Variants in STAT3 observed in about 807,000 individuals in gnomAD.
STAT3 encodes DNA-binding protein APRF.
STAT3 carries 7 observed loss-of-function variants against 114.3 expected under a neutral mutation model. That is an observed-to-expected ratio of 0.06 (90% CI 0.03 to 0.11). The LOEUF (loss-of-function observed/expected upper bound fraction) is 0.11, where lower values mean the gene tolerates loss of function less well. Ranked by LOEUF, STAT3 falls within the 10% of genes least tolerant of loss-of-function variation. The pLI is 1.00. For missense variants in STAT3, 364 were observed against 960.9 expected, an observed-to-expected ratio of 0.38 and a Z score of 8.21; for synonymous variants, 331 against 354.5, an observed-to-expected ratio of 0.93 and a Z score of 0.74.
chr17:42,315,816 G>A lies in STAT3; in HGVS notation c.2258-16C>T, dbSNP rs901452964. ...GTGAGGGACTCTGGAGGGACAGACA[G>A]GGAAAACTAGTTCAGTTGTCCACCC... On this transcript the variant is annotated splice_polypyrimidine_tract_variant and intron_variant, in intron 23 of 23. Coordinates refer to ENST00000264657, the MANE Select transcript of STAT3 (RefSeq NM_139276.3). 3 of 1,613,998 alleles carry A rather than the reference G, an allele frequency of 1.9e-6. No homozygotes were observed. The highest frequency in any genetic ancestry group is 2.5e-6 in the Non-Finnish European group (3 of 1,180,018).
At chr17:42,315,858 C>T in intron 23 of STAT3, 58 bp from the exon 24 acceptor site, 1 of 1,613,180 alleles carries the variant, frequency 6.2e-7, no homozygotes, top group South Asian at 1.1e-5. Context: ...ACTGGCAGGC[C>T]ACGCCCCCAG....
chr17:42,356,009 C>T (rs1057089270), intron 1 of STAT3, among the ~76,000 whole-genome samples: 45 of 152,070 alleles, frequency 3.0e-4, no homozygotes, highest in Admixed American at 5.9e-4. Context: ...CCTTTGGGTA[C>T]CACCTATACT....
chr17:42,356,220 A>G (rs2083219413), intron 1 of STAT3, among the ~76,000 whole-genome samples: 1 of 152,198 alleles, frequency 6.6e-6, no homozygotes, highest in Admixed American at 6.5e-5. Context: ...AATAATGTTC[A>G]ATGTGGAAAA....
chr17:42,373,790 C>T (rs1327190884), intron 1 of STAT3, among the ~76,000 whole-genome samples: 1 of 149,224 alleles, frequency 6.7e-6, no homozygotes. Flanking sequence ...GAGGCTGAGG[C>T]AGGAGAATGG....
chr17:42,385,829 A>G (rs1420582138), intron 1 of STAT3, among the ~76,000 whole-genome samples: 1 of 152,202 alleles, frequency 6.6e-6, no homozygotes, highest in Non-Finnish European at 1.5e-5. Flanking sequence ...TGCTGACCAA[A>G]AACAGTTCCT....
At chr17:42,347,807 C>A (rs2082766669) in intron 2 of STAT3, among the ~76,000 whole-genome samples, 1 of 152,180 alleles carries the variant, frequency 6.6e-6, no homozygotes, top group South Asian at 2.1e-4. Flanking sequence ...GCCATGTGAC[C>A]TGCCTGCTCC....
At chr17:42,369,033 G>A (rs1464738726) in intron 1 of STAT3, among the ~76,000 whole-genome samples, 2 of 152,010 alleles carry the variant, frequency 1.3e-5, no homozygotes, top group African/African-American at 4.8e-5. Flanking sequence ...CTTTGCTAAG[G>A]ATAATAGCCT....
At chr17:42,380,635 C>T (rs920905223) in intron 1 of STAT3, among the ~76,000 whole-genome samples, 1 of 152,054 alleles carries the variant, frequency 6.6e-6, no homozygotes, top group African/African-American at 2.4e-5. Context: ...GTGATCCACC[C>T]GCCTTGGCCT....
At chr17:42,329,682 A>T (rs2081908608) in intron 12 of STAT3, 35 bp from the exon 13 acceptor site, 1 of 1,613,974 alleles carries the variant, frequency 6.2e-7, no homozygotes, top group Non-Finnish European at 8.5e-7. Context: ...TATGTAGGTG[A>T]CCAAGTAGCC....
intron 1 of STAT3, among the ~76,000 whole-genome samples, chr17:42,357,621 A>C (rs1175659431): frequency 6.6e-6 from 1 of 152,094 alleles, no homozygotes; most frequent in Non-Finnish European, 1.5e-5. Flanking sequence ...GCAGTGAACC[A>C]AGATGGTGCC....
chr17:42,348,536 C>A lies in STAT3; in HGVS notation c.-20G>T. On this transcript the variant is annotated 5_prime_UTR_variant, in exon 2 of 24. Transcript: ENST00000264657. The stretch of plus-strand genomic sequence containing the variant: ...GGCCATCCTGCTAAAATCAGGGGTC[C>A]CAACTGTAAACCAAAGTGTGCATAT... The A allele has an allele frequency of 1.2e-6, 2 of 1,612,904 alleles. No homozygotes were observed. Among genetic ancestry groups the A allele is most frequent in the East Asian group, 2.2e-5 (1 of 44,868 alleles).
At chr17:42,317,329 A>G in intron 21 of STAT3, 105 bp from the exon 22 acceptor site, 1 of 1,299,096 alleles carries the variant, frequency 7.7e-7, no homozygotes, top group Admixed American at 1.9e-5. Context: ...AAACTCACTC[A>G]TCCTCATGCC....
intron 1 of STAT3, among the ~76,000 whole-genome samples, chr17:42,378,537 G>A (rs920165498): frequency 2.6e-5 from 4 of 152,202 alleles, no homozygotes; most frequent in Admixed American, 6.5e-5. Context: ...GTGAGCCATC[G>A]CTCCCGGCCT....
chr17:42,314,797 A>T lies in STAT3; in HGVS notation c.*948T>A, dbSNP rs1416913100. The stretch of plus-strand genomic sequence containing the variant: ...CGTTTCAGGGATTATATAAATTACC[A>T]GCCTGAAGGAAGCTGAATGCTTAAA... On this transcript the variant is annotated 3_prime_UTR_variant, in exon 24 of 24. Transcript: ENST00000264657. The T allele has an allele frequency of 4.9e-6, 1 of 202,474 alleles. No homozygotes were observed. The highest frequency in any genetic ancestry group is 2.3e-5 in the African/African-American group (1 of 43,442). The allele number at this position is 202,474 out of a possible 1,614,324, so 12.5% of individuals were successfully genotyped here. A position where few individuals can be genotyped will look rare whatever the true frequency, so the allele number is the denominator to read the frequency against.
chr17:42,351,676 G>A (rs562853980), intron 1 of STAT3, among the ~76,000 whole-genome samples: 27 of 152,130 alleles, frequency 1.8e-4, no homozygotes, highest in Admixed American at 9.2e-4. Context: ...AAAAAGCTCA[G>A]TAAAGCAAAT....
chr17:42,385,814 A>C (rs982185010), intron 1 of STAT3, among the ~76,000 whole-genome samples: 3 of 152,214 alleles, frequency 2.0e-5, no homozygotes, highest in African/African-American at 7.2e-5. Flanking sequence ...TCTGATGGTA[A>C]ATTATGCTGA....
Position 42,337,745 on chromosome 17 carries a change from T to C in STAT3, c.645+18A>G. ...TGAGCGAGACACATGGGGGAAGTGGTCCGACCTATGCCCTTACTCTCCGCA... is the reference window on the plus strand; with the variant it reads ...TGAGCGAGACACATGGGGGAAGTGGCCCGACCTATGCCCTTACTCTCCGCA... On this transcript the variant is annotated intron_variant, in intron 7 of 23. Transcript: ENST00000264657. This position sits in a 1 kb window ranked among gnomAD's most constrained non-coding sequence, Gnocchi z 4.0. 3.1e-6 allele frequency: 5 copies of C among 1,614,124 alleles called. No individual in the cohort carries two copies. Among genetic ancestry groups the C allele is most frequent in the Non-Finnish European group, 4.2e-6 (5 of 1,179,968 alleles).
Position 42,388,262 on chromosome 17 carries a change from C to T in STAT3, c.-24+17G>A, listed in dbSNP as rs2085224207. The T allele has an allele frequency of 8.1e-7, 1 of 1,231,890 alleles. No individual in the cohort carries two copies. Among genetic ancestry groups the T allele is most frequent in the South Asian group, 4.1e-5 (1 of 24,362 alleles). The allele number at this position is 1,231,890 out of a possible 1,614,324, so 76.3% of individuals were successfully genotyped here. A position where few individuals can be genotyped will look rare whatever the true frequency, so the allele number is the denominator to read the frequency against. ...TCCCCAGGCCTCCCCAACGGCCCCA[C>T]CCTGCACCCCCTTCACCTGTTTCTC... On this transcript the variant is annotated intron_variant, in intron 1 of 23. Transcript: ENST00000264657.
intron 20 of STAT3, 76 bp downstream of exon 20, chr17:42,322,928 T>G: frequency 1.2e-6 from 2 of 1,607,880 alleles, no homozygotes; most frequent in South Asian, 2.2e-5. Flanking sequence ...CAGGGGGCAG[T>G]AGGTGCTTGC....
Sources: allele counts gnomAD v4.1 joint callset (sites outside exome capture counted in the v4.1 genomes callset), GRCh38; gene constraint gnomAD v4.1.1; non-coding constraint Gnocchi (gnomAD v3.1); transcripts MANE v1.5; gene names NCBI Gene and HGNC (gene_info 2026-07-23, HGNC 2026-07-21).